Variants in RALGPS2 observed in about 807,000 individuals in gnomAD.
The protein encoded by RALGPS2 is ras-specific guanine nucleotide-releasing factor RalGPS2.
Under a neutral mutation model 86.8 loss-of-function variants are expected in RALGPS2, and 43 were observed. The ratio of observed to expected loss-of-function variants is 0.50; its 90% CI spans 0.39 to 0.64. RALGPS2 has a LOEUF of 0.64. RALGPS2 is among the 30% of genes least tolerant of loss of function. The pLI is 0.00. For missense variants in RALGPS2, 536 were observed against 694.6 expected (o/e 0.77, Z 2.57); for synonymous variants, 243 against 231.3 (o/e 1.05, Z -0.46).
intron 6 of RALGPS2, among the ~76,000 whole-genome samples, chr1:178,816,460 T>G (rs1233895346): frequency 1.3e-5 from 2 of 152,196 alleles, no homozygotes; most frequent in African/African-American, 4.8e-5. Context: ...TAGGGATTTT[T>G]TTAATGTATT....
chr1:178,902,451 T>C (rs1660218574), intron 18 of RALGPS2, among the ~76,000 whole-genome samples: 1 of 152,116 alleles, frequency 6.6e-6, no homozygotes, highest in South Asian at 2.1e-4. Context: ...GAGCTTATTT[T>C]CTTTGCTCCA....
At chr1:178,852,131 A>G (rs1657212498) in intron 8 of RALGPS2, among the ~76,000 whole-genome samples, 1 of 152,018 alleles carries the variant, frequency 6.6e-6, no homozygotes, top group Admixed American at 6.6e-5. Flanking sequence ...TGCATCCTTC[A>G]TTTCTTGCGA....
At chr1:178,845,886 G>A (rs1656842567) in intron 8 of RALGPS2, among the ~76,000 whole-genome samples, 1 of 152,094 alleles carries the variant, frequency 6.6e-6, no homozygotes, top group African/African-American at 2.4e-5. Flanking sequence ...TCTATATCCT[G>A]GAAGAGATGC....
chr1:178,761,083 T>C (rs897570228), intron 1 of RALGPS2, among the ~76,000 whole-genome samples: 1 of 151,970 alleles, frequency 6.6e-6, no homozygotes, highest in Non-Finnish European at 1.5e-5. Context: ...CAAGGGGTTC[T>C]TGTGGCTCAG....
intron 1 of RALGPS2, chr1:178,747,821 C>T (rs888257028): frequency 1.1e-5 from 7 of 636,036 alleles, no homozygotes; most frequent in African/African-American, 5.5e-5. Flanking sequence ...CTGCACGATC[C>T]GCAGAGAGCC....
At chr1:178,753,467 G>A (rs1428342273) in intron 1 of RALGPS2, among the ~76,000 whole-genome samples, 1 of 152,078 alleles carries the variant, frequency 6.6e-6, no homozygotes, top group African/African-American at 2.4e-5. Flanking sequence ...TGTATTATTA[G>A]CATGAGGCAA....
At position 178,867,295 on chromosome 1, in the gene RALGPS2, G is replaced by A. The variant is rs533171645; in HGVS notation, c.608-10203G>A. Among the ~76,000 whole-genome samples, 3 of 152,098 alleles carry A rather than the reference G, an allele frequency of 2.0e-5. No homozygotes were observed. In the South Asian group the frequency reaches 6.2e-4, roughly 32 times the overall value. On this transcript the variant is annotated intron_variant, in intron 8 of 19. Coordinates refer to ENST00000367635, the MANE Select transcript of RALGPS2 (RefSeq NM_152663.5). ...TCCCCACTTTCAGATGGAAAACTTGGCATCCAAAAGTTAAGTACCTTATTA... is the reference window on the plus strand; with the variant it reads ...TCCCCACTTTCAGATGGAAAACTTGACATCCAAAAGTTAAGTACCTTATTA...
chr1:178,799,534 G>A (rs1357292127), intron 4 of RALGPS2, among the ~76,000 whole-genome samples: 2 of 152,118 alleles, frequency 1.3e-5, no homozygotes, highest in South Asian at 4.1e-4. Context: ...CCTGAGTCTT[G>A]AAGGGAAAAG....
intron 6 of RALGPS2, among the ~76,000 whole-genome samples, chr1:178,816,929 G>A (rs958680735): frequency 2.4e-4 from 36 of 151,880 alleles, no homozygotes; most frequent in African/African-American, 5.8e-4. Flanking sequence ...AGCTGGTCTC[G>A]AACTCCTGAC....
chr1:178,733,474 C>A (rs905995165), intron 1 of RALGPS2, among the ~76,000 whole-genome samples: 3 of 152,210 alleles, frequency 2.0e-5, no homozygotes, highest in Non-Finnish European at 2.9e-5. Flanking sequence ...AGTACTGATA[C>A]ATAATTTTTA....
At chr1:178,763,452 A>T (rs75829850) in intron 1 of RALGPS2, among the ~76,000 whole-genome samples, 3 of 152,230 alleles carry the variant, frequency 2.0e-5, no homozygotes, top group Non-Finnish European at 4.4e-5. Flanking sequence ...CCATTGGCCA[A>T]ACAATATTGA....
Position 178,886,050 on chromosome 1 carries a change from C to A in RALGPS2, c.1122C>A (p.Ser374Arg), listed in dbSNP as rs756722160. 1 of 1,613,310 alleles carries A rather than the reference C, an allele frequency of 6.2e-7. No homozygotes were observed. Among genetic ancestry groups the A allele is most frequent in the Non-Finnish European group, 8.5e-7 (1 of 1,179,704 alleles). The change falls in exon 13 of 20, where the codon AGC (serine) becomes AGA (arginine). Residue 374 changes from serine to arginine, a missense_variant. Transcript: ENST00000367635. Reference protein sequence around the residue: ...NAGPRHLLDDSVMEPHAPSRG... With the variant: ...NAGPRHLLDDRVMEPHAPSRG... ...GACCAAGACATCTGTTAGATGATAG[C>A]GTCATGGAGCCCCATGCGCCATCTC...
intron 17 of RALGPS2, among the ~76,000 whole-genome samples, chr1:178,901,184 T>C (rs757761772): frequency 4.6e-5 from 7 of 152,040 alleles, no homozygotes; most frequent in Non-Finnish European, 7.4e-5. Flanking sequence ...AGTGTACATG[T>C]ACATTTTAAA....
At chr1:178,727,464 G>GT (rs1650089099) in intron 1 of RALGPS2, among the ~76,000 whole-genome samples, 1 of 152,186 alleles carries the variant, frequency 6.6e-6, no homozygotes, top group Non-Finnish European at 1.5e-5. Context: ...AGATTGCAAC[G>GT]TAAGTTTGAA....
rs1251126071 is a variant in RALGPS2, at chr1:178,804,391, A to G, written c.214-3654A>G. Among the ~76,000 whole-genome samples the G allele has an allele frequency of 3.7e-3, 520 of 140,246 alleles. 6 individuals carry two copies. The highest frequency in any genetic ancestry group is 5.9e-3 in the Non-Finnish European group (384 of 64,646). 92.0% of individuals were successfully genotyped at this position (140,246 alleles called of 152,430 possible). A position where few individuals can be genotyped will look rare whatever the true frequency, so the allele number is the denominator to read the frequency against. ...TGCTGCACCCACTAACTCGTCATCTAGCATTAGGTATATCTCCCAATGCTA... is the reference window on the plus strand; with the variant it reads ...TGCTGCACCCACTAACTCGTCATCTGGCATTAGGTATATCTCCCAATGCTA... On this transcript the variant is annotated intron_variant, in intron 4 of 19. Coordinates refer to ENST00000367635, the MANE Select transcript of RALGPS2 (RefSeq NM_152663.5).
rs1412959705 is a variant in RALGPS2 at position 178,918,521 on chromosome 1, A to C, written c.*2162A>C. 6.6e-6 allele frequency: 1 copy of C among 152,130 alleles called. No homozygotes were observed. Among genetic ancestry groups the C allele is most frequent in the African/African-American group, 2.4e-5 (1 of 41,460 alleles). The allele number at this position is 152,130 out of a possible 1,614,324, so 9.4% of individuals were successfully genotyped here. ...TAGTTTTGCCAAAGGGAGAGAGCTA[A>C]GCTGGAAGATGTTTTTGATACTTTC... On this transcript the variant is annotated 3_prime_UTR_variant, in exon 20 of 20. Coordinates refer to ENST00000367635, the MANE Select transcript of RALGPS2 (RefSeq NM_152663.5).
intron 18 of RALGPS2, among the ~76,000 whole-genome samples, chr1:178,904,568 C>T (rs539497888): frequency 5.9e-5 from 9 of 152,266 alleles, no homozygotes; most frequent in South Asian, 2.1e-4. Context: ...CTCCTACATG[C>T]GGCTAGCCAA....
At chr1:178,906,994 T>A in intron 19 of RALGPS2, 127 bp downstream of exon 19, 1 of 794,284 alleles carries the variant, frequency 1.3e-6, no homozygotes, top group Non-Finnish European at 2.0e-6. Flanking sequence ...TTCTTGTTGA[T>A]TACAGTTAAT....
Position 178,856,202 on chromosome 1 carries a change from GATATATAT to G in RALGPS2, c.608-21271_608-21264del, listed in dbSNP as rs55797277. On this transcript the variant is annotated intron_variant, in intron 8 of 19. Transcript: ENST00000367635. Reference sequence around the variant, plus strand: ...ACCTGTACTTTTCCAGAGAGAGAGAGATATATATATATATATATATATATATATATATG... The same window carrying G: ...ACCTGTACTTTTCCAGAGAGAGAGAGATATATATATATATATATATATATG... 3.5e-3 allele frequency among the ~76,000 whole-genome samples: 292 copies of G among 83,910 alleles called. 5 individuals carry two copies. The highest frequency in any genetic ancestry group is 0.01 in the African/African-American group (159 of 15,590). The allele number at this position is 83,910 out of a possible 152,430, so 55.0% of individuals were successfully genotyped here.
Sources: allele counts gnomAD v4.1 joint callset (sites outside exome capture counted in the v4.1 genomes callset), GRCh38; gene constraint gnomAD v4.1.1; transcripts MANE v1.5; gene names NCBI Gene and HGNC (gene_info 2026-07-23, HGNC 2026-07-21).